NRXN3: variants seen among roughly 807,000 people sequenced by gnomAD.
NRXN3 encodes the protein neurexin 3.
Under a neutral mutation model 137.6 loss-of-function variants are expected in NRXN3, and 32 were observed. The observed-to-expected ratio is 0.23, with a 90% CI of 0.18 to 0.31. The LOEUF is 0.31. Among genes scored for constraint, NRXN3 ranks in the 10% least tolerant of loss-of-function variants. The pLI is 1.00. For missense variants in NRXN3, 1,574 were observed against 2,062.5 expected, an observed-to-expected ratio of 0.76 and a Z score of 4.59; for synonymous variants, 798 against 784.5, an observed-to-expected ratio of 1.02 and a Z score of -0.29.
At chr14:79,425,551 T>C (rs7159565) in intron 15 of NRXN3, among the ~76,000 whole-genome samples, 107,274 of 152,090 alleles carry the variant, frequency 0.71, 38,698 homozygotes, top group African/African-American at 0.86. Flanking sequence ...CTTTATATTA[T>C]TTTCTTTAAT....
chr14:79,412,456 A>G (rs530837439), intron 15 of NRXN3, among the ~76,000 whole-genome samples: 8 of 152,082 alleles, frequency 5.3e-5, no homozygotes, highest in South Asian at 2.1e-4. Flanking sequence ...TCTAGGGGCA[A>G]AAGGGATTTT....
chr14:78,711,611 T>C (rs2098409015), intron 7 of NRXN3, among the ~76,000 whole-genome samples: 1 of 152,044 alleles, frequency 6.6e-6, no homozygotes, highest in Non-Finnish European at 1.5e-5. Context: ...CAGCTAATTT[T>C]TGTCTATTTA....
chr14:79,619,928 T>C (rs568554947), intron 16 of NRXN3, among the ~76,000 whole-genome samples: 2 of 152,226 alleles, frequency 1.3e-5, no homozygotes, highest in African/African-American at 4.8e-5. Flanking sequence ...AGTTCTGACA[T>C]GGGGACCATT....
chr14:78,417,200 C>T (rs982858248), intron 4 of NRXN3, among the ~76,000 whole-genome samples: 5 of 152,240 alleles, frequency 3.3e-5, no homozygotes, highest in Admixed American at 3.3e-4. Flanking sequence ...TCTCCATAGT[C>T]TGGCTCCTGC....
chr14:78,957,873 A>G (rs1051421410), intron 11 of NRXN3, among the ~76,000 whole-genome samples: 2 of 152,252 alleles, frequency 1.3e-5, no homozygotes, highest in Non-Finnish European at 2.9e-5. Context: ...TTAATTATCT[A>G]TTCTGCACTA....
intron 16 of NRXN3, among the ~76,000 whole-genome samples, chr14:79,497,757 C>T (rs2096781053): frequency 6.6e-6 from 1 of 152,158 alleles, no homozygotes; most frequent in Non-Finnish European, 1.5e-5. Context: ...CAGAATGAGG[C>T]TGGGCACGGT....
At chr14:78,729,748 C>A (rs578260325) in intron 8 of NRXN3, among the ~76,000 whole-genome samples, 1 of 152,144 alleles carries the variant, frequency 6.6e-6, no homozygotes, top group African/African-American at 2.4e-5. Context: ...ACAAATTCTT[C>A]GGCCATAAAC....
At chr14:78,926,330 G>T (rs1011558826) in intron 10 of NRXN3, among the ~76,000 whole-genome samples, 1 of 151,876 alleles carries the variant, frequency 6.6e-6, no homozygotes, top group Non-Finnish European at 1.5e-5. Flanking sequence ...TGTAATGAAA[G>T]TTATGTGAAT....
At chr14:79,531,643 G>T (rs1483650206) in intron 16 of NRXN3, among the ~76,000 whole-genome samples, 1 of 152,158 alleles carries the variant, frequency 6.6e-6, no homozygotes, top group Non-Finnish European at 1.5e-5. Context: ...TTATAAGATA[G>T]TGTATGTCTA....
chr14:79,723,394 C>G (rs1568013797), intron 19 of NRXN3, among the ~76,000 whole-genome samples: 1 of 152,118 alleles, frequency 6.6e-6, no homozygotes, highest in Non-Finnish European at 1.5e-5. Context: ...AACCTTAAGA[C>G]ACATGGCCAG....
At chr14:78,792,487 C>G (rs925266087) in intron 8 of NRXN3, among the ~76,000 whole-genome samples, 3 of 151,882 alleles carry the variant, frequency 2.0e-5, no homozygotes, top group African/African-American at 7.3e-5. Context: ...AATTAGATCC[C>G]TGAAAGAGAA....
At chr14:79,276,922 C>T (rs2080376274) in intron 15 of NRXN3, among the ~76,000 whole-genome samples, 1 of 152,166 alleles carries the variant, frequency 6.6e-6, no homozygotes, top group African/African-American at 2.4e-5. Context: ...GATGTGCTAC[C>T]TATTTTTTCA....
intron 16 of NRXN3, among the ~76,000 whole-genome samples, chr14:79,647,430 C>A (rs1052331807): frequency 7.4e-6 from 1 of 135,702 alleles, no homozygotes. Flanking sequence ...TCAAATAATG[C>A]ATTTTATTAT....
intron 15 of NRXN3, among the ~76,000 whole-genome samples, chr14:79,081,900 A>G (rs1043171423): frequency 1.3e-5 from 2 of 152,134 alleles, no homozygotes; most frequent in Non-Finnish European, 2.9e-5. Context: ...CCATATAGAT[A>G]GAACAAATAG....
chr14:78,877,378 T>C (rs1397136992), intron 10 of NRXN3, among the ~76,000 whole-genome samples: 2 of 152,154 alleles, frequency 1.3e-5, no homozygotes, highest in Non-Finnish European at 2.9e-5. Context: ...AGCCATCCCT[T>C]CTCTGAAGCT....
At chr14:78,385,682 G>A (rs1332436318) in intron 4 of NRXN3, among the ~76,000 whole-genome samples, 1 of 152,146 alleles carries the variant, frequency 6.6e-6, no homozygotes, top group African/African-American at 2.4e-5. Context: ...ATGACGTTTG[G>A]CTTAGTGCAG....
At chr14:78,445,537 T>C (rs1211115270) in intron 4 of NRXN3, among the ~76,000 whole-genome samples, 1 of 151,980 alleles carries the variant, frequency 6.6e-6, no homozygotes, top group Non-Finnish European at 1.5e-5. Flanking sequence ...GAGAAATGAG[T>C]GTGGGCATTG....
At chr14:78,835,694 A>G (rs756129479) in intron 10 of NRXN3, among the ~76,000 whole-genome samples, 2 of 152,118 alleles carry the variant, frequency 1.3e-5, no homozygotes, top group African/African-American at 4.8e-5. Flanking sequence ...TCAGCTATGT[A>G]CAGGTCCCAA....
At chr14:79,075,348 T>G (rs1159181451) in intron 15 of NRXN3, among the ~76,000 whole-genome samples, 1 of 152,180 alleles carries the variant, frequency 6.6e-6, no homozygotes, top group Non-Finnish European at 1.5e-5. Context: ...CACACATTAT[T>G]GCATTTTAGA....
Sources: gnomAD v4.1 joint callset for allele counts (sites outside exome capture counted in the v4.1 genomes callset) on GRCh38, gnomAD v4.1.1 for gene constraint, MANE v1.5 for transcripts, NCBI Gene and HGNC (gene_info 2026-07-23, HGNC 2026-07-21) for gene names.